Variants in ZGRF1 observed in about 807,000 individuals in gnomAD.
ZGRF1 encodes the protein 5'-3' DNA helicase ZGRF1.
Under a neutral mutation model 203.5 loss-of-function variants are expected in ZGRF1, and 196 were observed. That is an observed-to-expected ratio of 0.96 (90% CI 0.86 to 1.08). ZGRF1 has a LOEUF of 1.08. Ranked by LOEUF, ZGRF1 falls within the 50% of genes least tolerant of loss-of-function variation. The probability of loss-of-function intolerance (pLI) is 0.00; values close to 1 mark genes in which losing one functional copy is unlikely to be tolerated. For synonymous variants in ZGRF1, 809 were observed against 841.3 expected (o/e 0.96, Z 0.66); for missense variants, 2,326 against 2,416.3 (o/e 0.96, Z 0.78).
At chr4:112,588,371 T>C (rs1159974343) in intron 11 of ZGRF1, among the ~76,000 whole-genome samples, 1 of 152,204 alleles carries the variant, frequency 6.6e-6, no homozygotes, top group African/African-American at 2.4e-5. Flanking sequence ...TTACATTCTT[T>C]CCCAGAGACG....
At chr4:112,607,216 T>C (rs1750910498) in intron 8 of ZGRF1, among the ~76,000 whole-genome samples, 1 of 152,172 alleles carries the variant, frequency 6.6e-6, no homozygotes, top group South Asian at 2.1e-4. Context: ...CCTTGACCTC[T>C]GGGATCAAGT....
rs1272433591 is a variant in ZGRF1, at chr4:112,558,197, A to C, written c.5073T>G (p.Leu1691=). ...CCACATTAGTAGAAGAAGAAATCAG[A>C]AGTTTCCACGGCCTTGCATTTCCAA... ...PTIGNARPWK[L]LISSSTNVAV... is the part of the protein sequence containing the mutation. The change falls in exon 20 of 28, where the codon CTT becomes CTG. Residue 1691 remains leucine, a synonymous_variant. Coordinates refer to ENST00000505019, the MANE Select transcript of ZGRF1 (RefSeq NM_018392.5). 3.1e-6 allele frequency: 5 copies of C among 1,609,664 alleles called. No individual in the cohort carries two copies. Among genetic ancestry groups the C allele is most frequent in the Non-Finnish European group, 4.2e-6 (5 of 1,178,394 alleles).
At position 112,584,036 on chromosome 4, in the gene ZGRF1, C is replaced by T. The variant is rs376794193; in HGVS notation, c.4240G>A (p.Gly1414Ser). The T allele has an allele frequency of 9.3e-6, 15 of 1,613,012 alleles. No homozygotes were observed. Among genetic ancestry groups the T allele is most frequent in the Non-Finnish European group, 1.2e-5 (14 of 1,179,624 alleles). Reference sequence around the variant, plus strand: ...ATCTTTTGACTTCTTAAATATAAGCCAATACTCTTAATATCACTTAAAACC... The same window carrying T: ...ATCTTTTGACTTCTTAAATATAAGCTAATACTCTTAATATCACTTAAAACC... ...GMVLSDIKSI[G>S]LYLRSQKIPL... Residue 1414 changes from glycine (G) to serine (S), a missense_variant, in exon 15 of 28, where the codon GGC becomes AGC. By Grantham distance (56) the Gly-to-Ser change is moderately conservative. Coordinates refer to ENST00000505019, the MANE Select transcript of ZGRF1 (RefSeq NM_018392.5).
intron 6 of ZGRF1, among the ~76,000 whole-genome samples, chr4:112,614,524 A>G (rs1043470034): frequency 2.0e-5 from 3 of 152,176 alleles, no homozygotes; most frequent in African/African-American, 7.2e-5. Context: ...TGGTAATTTC[A>G]CTACTTAAAA....
At chr4:112,629,922 G>A in intron 3 of ZGRF1, 2 of 307,810 alleles carry the variant, frequency 6.5e-6, no homozygotes, top group South Asian at 2.5e-5. Flanking sequence ...AGGAGGCTGA[G>A]GCAGGATAAT....
chr4:112,620,234 TTATC>T, intron 4 of ZGRF1, 44 bp from the exon 5 acceptor site: 3 of 1,505,272 alleles, frequency 2.0e-6, no homozygotes, highest in Non-Finnish European at 2.7e-6. Flanking sequence ...AATTATTTGA[TTATC>T]TATGTATTCC....
chr4:112,596,910 T>C (rs895443867), intron 10 of ZGRF1, among the ~76,000 whole-genome samples: 2 of 152,012 alleles, frequency 1.3e-5, no homozygotes, highest in Admixed American at 6.6e-5. Flanking sequence ...AGGAATTTTT[T>C]TAAAGTCATT....
Position 112,547,411 on chromosome 4 carries a change from A to G in ZGRF1, c.5475-3T>C. 6.3e-7 allele frequency: 1 copy of G among 1,599,490 alleles called. No individual in the cohort carries two copies. On this transcript the variant is annotated splice_region_variant and splice_polypyrimidine_tract_variant and intron_variant, in intron 23 of 27. Coordinates refer to ENST00000505019, the MANE Select transcript of ZGRF1 (RefSeq NM_018392.5). ...GAATCAGCTTTTCACACTCAAACCT[A>G]AAACAGAATTTCAAAAATTAATCTA...
At chr4:112,565,292 T>C (rs548092570) in intron 16 of ZGRF1, 3 of 1,526,138 alleles carry the variant, frequency 2.0e-6, no homozygotes, top group African/African-American at 1.4e-5. Flanking sequence ...GCCTATCTGG[T>C]TGGCCTTTTT....
At chr4:112,624,828 C>T (rs192152224) in intron 3 of ZGRF1, among the ~76,000 whole-genome samples, 3 of 152,160 alleles carry the variant, frequency 2.0e-5, no homozygotes, top group East Asian at 1.9e-4. Context: ...CCCACATGAC[C>T]CAGCAATTCC....
chr4:112,540,822 T>C lies in ZGRF1; in HGVS notation c.5909A>G (p.Lys1970Arg). 1 of 1,589,958 alleles carries C rather than the reference T, an allele frequency of 6.3e-7. No individual in the cohort carries two copies. The highest frequency in any genetic ancestry group is 8.6e-7 in the Non-Finnish European group (1 of 1,166,462). The change falls in exon 26 of 28, where the codon AAG becomes AGG. Residue 1970 changes from lysine to arginine, a missense_variant and splice_region_variant. Lys to Arg is a conservative substitution (Grantham distance 26, BLOSUM62 2). Transcript: ENST00000505019. ...VITLYKSQMYKLCHLLSAVDF... is the reference protein window; with the variant it reads ...VITLYKSQMYRLCHLLSAVDF... ...AATACTGTAATACATAATACCAACC[T>C]TGTACATCTGGGATTTGTATAATGT...
At chr4:112,635,881 A>G (rs2047602857) in intron 1 of ZGRF1, among the ~76,000 whole-genome samples, 1 of 151,944 alleles carries the variant, frequency 6.6e-6, no homozygotes, top group Non-Finnish European at 1.5e-5. Flanking sequence ...CTAAATTGAG[A>G]TATTACTTCT....
At position 112,603,627 on chromosome 4, in the gene ZGRF1, G is replaced by T. The variant is rs1385052496; in HGVS notation, c.2873C>A (p.Ser958Ter). ...TSGVMVRGHS[S>*]QLGCSQFPDS... ...TGGAAACTGACTGCATCCTAGCTGT[G>T]AGCTGTGTCCTCTGACCATTACACC... Residue 958 changes from serine (S) to a stop codon, truncating the protein, a stop_gained, in exon 10 of 28, where the codon TCA (serine) becomes TAA (stop). Coordinates refer to ENST00000505019, the MANE Select transcript of ZGRF1 (RefSeq NM_018392.5). LOFTEE classifies it high-confidence loss of function. 1 of 1,613,844 alleles carries T rather than the reference G, an allele frequency of 6.2e-7. No homozygotes were observed. The highest frequency in any genetic ancestry group is 1.3e-5 in the African/African-American group (1 of 74,918).
chr4:112,613,992 T>C (rs2046780830), intron 6 of ZGRF1, among the ~76,000 whole-genome samples: 1 of 152,232 alleles, frequency 6.6e-6, no homozygotes, highest in Non-Finnish European at 1.5e-5. Flanking sequence ...CTAACAAGTT[T>C]TTTTAAAACA....
At chr4:112,634,095 C>CT (rs1418554915) in intron 1 of ZGRF1, among the ~76,000 whole-genome samples, 1 of 152,142 alleles carries the variant, frequency 6.6e-6, no homozygotes, top group Non-Finnish European at 1.5e-5. Context: ...AAATATGCCA[C>CT]TTACATATTA....
chr4:112,603,242 GGTGA>G (rs991153538), intron 10 of ZGRF1, among the ~76,000 whole-genome samples: 2 of 152,068 alleles, frequency 1.3e-5, no homozygotes, highest in African/African-American at 4.8e-5. Flanking sequence ...ATGTTAAACA[GGTGA>G]GTATTTTCTT....
intron 7 of ZGRF1, among the ~76,000 whole-genome samples, chr4:112,610,222 G>C (rs935707638): frequency 1.3e-5 from 2 of 152,146 alleles, no homozygotes; most frequent in South Asian, 2.1e-4. Flanking sequence ...AACGGTACTA[G>C]TAAAAATGAA....
At chr4:112,587,215 C>A in intron 12 of ZGRF1, 65 bp downstream of exon 12, 1 of 1,471,686 alleles carries the variant, frequency 6.8e-7, no homozygotes, top group Non-Finnish European at 9.1e-7. Flanking sequence ...TTTGGTAATT[C>A]TTTTGTTGAA....
chr4:112,590,503 C>G (rs564423496), intron 10 of ZGRF1, among the ~76,000 whole-genome samples: 21 of 151,946 alleles, frequency 1.4e-4, no homozygotes, highest in Non-Finnish European at 2.6e-4. Context: ...AGAATACATA[C>G]CAAATTGTTA....
Sources: gnomAD v4.1 joint callset for allele counts (sites outside exome capture counted in the v4.1 genomes callset) on GRCh38, gnomAD v4.1.1 for gene constraint, MANE v1.5 for transcripts, NCBI Gene and HGNC (gene_info 2026-07-23, HGNC 2026-07-21) for gene names.